Variants in ABCA10 observed in about 807,000 individuals in gnomAD.
ABCA10 encodes ATP-binding cassette sub-family A member 10.
A neutral mutation model predicts 187.5 loss-of-function variants in ABCA10; 169 were observed. The observed-to-expected ratio is 0.90, with a 90% CI of 0.80 to 1.02. The LOEUF is 1.02. ABCA10 is among the 50% of genes least tolerant of loss of function. The pLI is 0.00. For missense variants in ABCA10, 1,727 were observed against 1,812.4 expected (o/e 0.95, Z 0.86); for synonymous variants, 574 against 601.8 (o/e 0.95, Z 0.68).
chr17:69,164,921 C>A, intron 26 of ABCA10, 43 bp downstream of exon 26: 1 of 1,590,378 alleles, frequency 6.3e-7, no homozygotes, highest in Non-Finnish European at 8.6e-7. Context: ...TATTAATGGG[C>A]TACAAGGTCA....
chr17:69,173,612 T>G (rs1339612737), intron 25 of ABCA10, among the ~76,000 whole-genome samples: 2 of 152,132 alleles, frequency 1.3e-5, no homozygotes, highest in Non-Finnish European at 2.9e-5. Context: ...TTTACATTGC[T>G]TAAGAAAGTT....
chr17:69,225,552 G>A (rs2074787409), intron 2 of ABCA10, 23 bp from the exon 3 acceptor site: 2 of 545,394 alleles, frequency 3.7e-6, no homozygotes. Context: ...AAAGAGAAAT[G>A]AGCCATGTTA....
intron 1 of ABCA10, among the ~76,000 whole-genome samples, chr17:69,242,413 C>A (rs1459624182): frequency 6.6e-6 from 1 of 152,122 alleles, no homozygotes; most frequent in African/African-American, 2.4e-5. Flanking sequence ...ATAAGAATTA[C>A]AAAACAGAAA....
intron 9 of ABCA10, among the ~76,000 whole-genome samples, 170 bp downstream of exon 9, chr17:69,214,534 C>T (rs2074688218): frequency 6.6e-6 from 1 of 150,666 alleles, no homozygotes; most frequent in Non-Finnish European, 1.5e-5. Context: ...AAAAATGATT[C>T]AGTTCATACC....
At chr17:69,189,076 G>T (rs935810294) in intron 18 of ABCA10, among the ~76,000 whole-genome samples, 2 of 152,238 alleles carry the variant, frequency 1.3e-5, no homozygotes, top group East Asian at 3.9e-4. Flanking sequence ...TCAAATGATA[G>T]TTCTATTTAA....
chr17:69,184,543 T>C (rs138658804), intron 20 of ABCA10, among the ~76,000 whole-genome samples: 2,105 of 151,880 alleles, frequency 0.014, 25 homozygotes, highest in Non-Finnish European at 0.024. Flanking sequence ...TGAAGATGGA[T>C]CAAAAAATAA....
intron 21 of ABCA10, 79 bp from the exon 22 acceptor site, chr17:69,182,369 G>A: frequency 2.6e-6 from 3 of 1,170,058 alleles, no homozygotes; most frequent in Non-Finnish European, 3.4e-6. Context: ...TATTACCAGA[G>A]TGGAATTAGA....
rs139291537 is a variant in ABCA10 at position 69,184,849 on chromosome 17, A to ATGTGTGTG, written c.2497+620_2497+627dup. Among the ~76,000 whole-genome samples the ATGTGTGTG allele has an allele frequency of 5.1e-3, 735 of 144,148 alleles. 15 individuals carry two copies. Among genetic ancestry groups the ATGTGTGTG allele is most frequent in the African/African-American group, 0.019 (701 of 37,066 alleles). The allele number at this position is 144,148 out of a possible 152,430, so 94.6% of individuals were successfully genotyped here. ...TTAAAAAAGTTATATATATATGTAT[A>ATGTGTGTG]TGTGTGTGTGTGTGTGTGTGTGTAT... is the stretch of plus-strand genomic sequence containing the variant. On this transcript the variant is annotated intron_variant, in intron 20 of 38. Transcript: ENST00000690296.
In ABCA10 at chr17:69,191,313, A is replaced by G; in HGVS notation, c.1874T>C (p.Leu625Ser). 1 of 1,545,380 alleles carries G rather than the reference A, an allele frequency of 6.5e-7. No individual in the cohort carries two copies. The highest frequency in any genetic ancestry group is 1.3e-5 in the South Asian group (1 of 79,270). ...TGTGTCACACATTTCATTCCTGTGTAAACTATTATTTCAAAAGAGCCATAA... is the reference window on the plus strand; with the variant it reads ...TGTGTCACACATTTCATTCCTGTGTGAACTATTATTTCAAAAGAGCCATAA... ...RKWGIGYHLSLHRNEMCDTEK... is the reference protein window; with the variant it reads ...RKWGIGYHLSSHRNEMCDTEK... The change falls in exon 17 of 39, where the codon TTA becomes TCA. Residue 625 changes from leucine to serine, a missense_variant and splice_region_variant. Coordinates refer to ENST00000690296, the MANE Select transcript of ABCA10 (RefSeq NM_001377321.1).
chr17:69,173,299 C>G (rs960699572), intron 25 of ABCA10, among the ~76,000 whole-genome samples: 3 of 152,084 alleles, frequency 2.0e-5, no homozygotes, highest in African/African-American at 7.2e-5. Flanking sequence ...AATTTAGTAG[C>G]CTTTAGGATT....
At chr17:69,181,576 A>G (rs568304723) in intron 22 of ABCA10, among the ~76,000 whole-genome samples, 52 of 152,236 alleles carry the variant, frequency 3.4e-4, no homozygotes, top group South Asian at 1.7e-3. Flanking sequence ...AAATCAGGAT[A>G]AGGGATAGGA....
Position 69,154,363 on chromosome 17 carries a change from A to C in ABCA10, c.3695-37T>G, listed in dbSNP as rs754467464. On this transcript the variant is annotated intron_variant, in intron 30 of 38. Transcript: ENST00000690296. ...AGTCACCATCAATATTTGAATTTTC[A>C]AGGTTGACTAATCTAAAATTGCTTG... The C allele has an allele frequency of 9.5e-6, 14 of 1,468,320 alleles. No individual in the cohort carries two copies. In the East Asian group the frequency reaches 3.0e-4, roughly 31 times the overall value. 91.0% of individuals were successfully genotyped at this position (1,468,320 alleles called of 1,614,324 possible).
At chr17:69,169,635 G>A (rs1014732899) in intron 25 of ABCA10, among the ~76,000 whole-genome samples, 2 of 152,172 alleles carry the variant, frequency 1.3e-5, no homozygotes, top group African/African-American at 4.8e-5. Flanking sequence ...TGGTATTGAT[G>A]TACAAATAGA....
chr17:69,214,603 C>T, intron 9 of ABCA10, 101 bp downstream of exon 9: 2 of 1,062,710 alleles, frequency 1.9e-6, no homozygotes, highest in South Asian at 4.9e-5. Flanking sequence ...TTCTTCTCTA[C>T]TATCAGAAAT....
At chr17:69,232,379 A>G (rs974047497), upstream of ABCA10, among the ~76,000 whole-genome samples, 2 of 151,868 alleles carry the variant, frequency 1.3e-5, no homozygotes, top group African/African-American at 4.8e-5. Context: ...CTTGCTTTGT[A>G]TTTTTAATAT....
chr17:69,183,288 G>A lies in ABCA10; in HGVS notation c.2498-480C>T, dbSNP rs150324315. 1.8e-3 allele frequency among the ~76,000 whole-genome samples: 281 copies of A among 152,164 alleles called. 1 individual carries two copies. Among genetic ancestry groups the A allele is most frequent in the African/African-American group, 6.6e-3 (272 of 41,498 alleles). On this transcript the variant is annotated intron_variant, in intron 20 of 38. Coordinates refer to ENST00000690296, the MANE Select transcript of ABCA10 (RefSeq NM_001377321.1). The stretch of plus-strand genomic sequence containing the variant: ...AGTAACCCATTCAAAACATCTTTAT[G>A]GAATTAAGTTAACTTGATATTTGCC...
At chr17:69,202,583 T>A (rs2144818414) in intron 9 of ABCA10, among the ~76,000 whole-genome samples, 1 of 152,254 alleles carries the variant, frequency 6.6e-6, no homozygotes, top group East Asian at 1.9e-4. Flanking sequence ...TAAGCACAGA[T>A]TAAATTGTTT....
At position 69,165,027 on chromosome 17, in the gene ABCA10, T is replaced by G; in HGVS notation, c.3219A>C (p.Leu1073Phe). ...MVSTQYEKLN[L>F]ILCMIFIPSF... ...AAGGTATGAAAATCATGCACAAAAT[T>G]AAGTTGAGTTTTTCATATTGAGTTG... The change falls in exon 26 of 39, where the codon TTA becomes TTC. Residue 1073 changes from leucine to phenylalanine, a missense_variant. Physicochemically the swap from Leu to Phe is conservative, Grantham distance 22. Transcript: ENST00000690296. 1 of 1,609,732 alleles carries G rather than the reference T, an allele frequency of 6.2e-7. No individual in the cohort carries two copies. Among genetic ancestry groups the G allele is most frequent in the South Asian group, 1.1e-5 (1 of 90,990 alleles).
chr17:69,222,917 C>A (rs538353846), intron 3 of ABCA10, among the ~76,000 whole-genome samples: 33 of 152,262 alleles, frequency 2.2e-4, no homozygotes, highest in South Asian at 4.1e-4. Context: ...AAATCTGCAG[C>A]ATATTGCTTT....
Sources: gnomAD v4.1 joint callset for allele counts (sites outside exome capture counted in the v4.1 genomes callset) on GRCh38, gnomAD v4.1.1 for gene constraint, MANE v1.5 for transcripts, NCBI Gene and HGNC (gene_info 2026-07-23, HGNC 2026-07-21) for gene names.